Variants in GNA14 observed in about 807,000 individuals in gnomAD.
GNA14 encodes the protein guanine nucleotide-binding protein subunit alpha-14.
Under a neutral mutation model 42.0 loss-of-function variants are expected in GNA14, and 50 were observed. The observed-to-expected ratio is 1.19, with a 90% CI of 0.95 to 1.51. The LOEUF (loss-of-function observed/expected upper bound fraction) is 1.51, where lower values mean the gene tolerates loss of function less well. Among genes scored for constraint, GNA14 ranks in the 40% most tolerant of loss-of-function variants. The pLI is 0.00. For synonymous variants in GNA14, 173 were observed against 163.1 expected (o/e 1.06, Z -0.46); for missense variants, 473 against 446.2 (o/e 1.06, Z -0.54).
At chr9:77,473,323 G>A (rs1168388672) in intron 2 of GNA14, among the ~76,000 whole-genome samples, 4 of 152,116 alleles carry the variant, frequency 2.6e-5, no homozygotes, top group African/African-American at 9.7e-5. Flanking sequence ...TGGGTGTGGT[G>A]GTGTGCCCCT....
At chr9:77,493,026 A>AAAAAATAT (rs1554691641) in intron 2 of GNA14, among the ~76,000 whole-genome samples, 1 of 51,712 alleles carries the variant, frequency 1.9e-5, no homozygotes, top group African/African-American at 1.1e-4. Context: ...AAAAAAAAAA[A>AAAAAATAT]ATATATATAT....
intron 1 of GNA14, among the ~76,000 whole-genome samples, chr9:77,535,443 C>T (rs1395135452): frequency 6.6e-6 from 1 of 152,138 alleles, no homozygotes; most frequent in Non-Finnish European, 1.5e-5. Context: ...ACTCGTGAGG[C>T]TGAGGCAGGA....
At chr9:77,443,204 T>C (rs1835763854) in intron 2 of GNA14, among the ~76,000 whole-genome samples, 2 of 152,220 alleles carry the variant, frequency 1.3e-5, no homozygotes, top group Non-Finnish European at 2.9e-5. Flanking sequence ...AATTTACAGA[T>C]ACATTTTGAT....
intron 2 of GNA14, among the ~76,000 whole-genome samples, chr9:77,506,554 G>T (rs1011479058): frequency 6.6e-6 from 1 of 152,042 alleles, no homozygotes; most frequent in African/African-American, 2.4e-5. Context: ...GCACATGTCT[G>T]TAGTCCCAGC....
chr9:77,583,551 T>C (rs760234912), intron 1 of GNA14, among the ~76,000 whole-genome samples: 1 of 152,204 alleles, frequency 6.6e-6, no homozygotes, highest in Non-Finnish European at 1.5e-5. Context: ...TGATTTCTGT[T>C]TGACTCTTTA....
chr9:77,473,937 G>C (rs1302603342), intron 2 of GNA14, among the ~76,000 whole-genome samples: 1 of 152,050 alleles, frequency 6.6e-6, no homozygotes, highest in Non-Finnish European at 1.5e-5. Context: ...ATTGTACTGG[G>C]GCAACTGGAT....
At chr9:77,467,831 G>C (rs1314600761) in intron 2 of GNA14, among the ~76,000 whole-genome samples, 1 of 151,912 alleles carries the variant, frequency 6.6e-6, no homozygotes, top group African/African-American at 2.4e-5. Flanking sequence ...TGTGTGTTAG[G>C]GTGGGGGAGG....
At chr9:77,435,129 C>T (rs1036561647) in intron 2 of GNA14, among the ~76,000 whole-genome samples, 5 of 150,962 alleles carry the variant, frequency 3.3e-5, no homozygotes, top group East Asian at 2.0e-4. Context: ...GAGGCCGAGG[C>T]GGGCCGATCA....
intron 1 of GNA14, among the ~76,000 whole-genome samples, chr9:77,628,044 T>A (rs756682292): frequency 2.0e-5 from 3 of 152,144 alleles, no homozygotes; most frequent in Non-Finnish European, 4.4e-5. Flanking sequence ...TTCAGCAAAG[T>A]CTCAGGATAC....
chr9:77,594,844 T>A (rs1479539916), intron 1 of GNA14, among the ~76,000 whole-genome samples: 1 of 152,196 alleles, frequency 6.6e-6, no homozygotes, highest in East Asian at 1.9e-4. Flanking sequence ...GCAGCCCACA[T>A]TGAATAAGTC....
At chr9:77,518,737 T>C (rs1837301961) in intron 2 of GNA14, among the ~76,000 whole-genome samples, 1 of 152,218 alleles carries the variant, frequency 6.6e-6, no homozygotes, top group South Asian at 2.1e-4. Flanking sequence ...TTATCTTTAA[T>C]GAATTGTGTA....
intron 1 of GNA14, among the ~76,000 whole-genome samples, chr9:77,571,264 G>C (rs573507470): frequency 6.6e-6 from 1 of 152,196 alleles, no homozygotes; most frequent in Non-Finnish European, 1.5e-5. Flanking sequence ...ACACAAGTAA[G>C]GCTGAGATAA....
chr9:77,523,938 C>T (rs762625235), intron 2 of GNA14, among the ~76,000 whole-genome samples: 1 of 152,124 alleles, frequency 6.6e-6, no homozygotes, highest in Non-Finnish European at 1.5e-5. Context: ...GAGAACTTCC[C>T]AAGTTCAAGA....
At chr9:77,602,708 T>C (rs944822212) in intron 1 of GNA14, among the ~76,000 whole-genome samples, 2 of 149,514 alleles carry the variant, frequency 1.3e-5, no homozygotes. Flanking sequence ...AATGGTTTTG[T>C]TTTTTTTTTC....
At chr9:77,578,046 T>A (rs1415389654) in intron 1 of GNA14, among the ~76,000 whole-genome samples, 1 of 151,752 alleles carries the variant, frequency 6.6e-6, no homozygotes. Context: ...GGCGGGCAGA[T>A]CACGAGGTCA....
At chr9:77,441,780 TAAC>T (rs1196812708) in intron 2 of GNA14, among the ~76,000 whole-genome samples, 2 of 152,178 alleles carry the variant, frequency 1.3e-5, no homozygotes, top group Non-Finnish European at 2.9e-5. Flanking sequence ...CACCCCTCTT[TAAC>T]AACTACAGAA....
intron 1 of GNA14, among the ~76,000 whole-genome samples, chr9:77,538,898 T>C (rs1310422078): frequency 2.6e-5 from 4 of 152,188 alleles, no homozygotes; most frequent in Non-Finnish European, 5.9e-5. Context: ...AAATGTCTAA[T>C]AAAATGTGTC....
chr9:77,510,700 C>T lies in GNA14; in HGVS notation c.309+18369G>A, dbSNP rs77642144. 8.4e-3 allele frequency among the ~76,000 whole-genome samples: 1,287 copies of T among 152,308 alleles called. 17 individuals are homozygous for T. The highest frequency in any genetic ancestry group is 0.028 in the African/African-American group (1,184 of 41,568). ...TCACCAAGGAGCAAGCCTCCACCCC[C>T]GACCCAAGATGCCCCTGGGAGAAGT... On this transcript the variant is annotated intron_variant, in intron 2 of 6. Coordinates refer to ENST00000341700, the MANE Select transcript of GNA14 (RefSeq NM_004297.4).
intron 1 of GNA14, among the ~76,000 whole-genome samples, chr9:77,608,074 G>A (rs150800611): frequency 6.6e-6 from 1 of 152,202 alleles, no homozygotes; most frequent in East Asian, 1.9e-4. Context: ...AAAGCCTTGG[G>A]GGCAAGACGG....
Sources: allele counts gnomAD v4.1 joint callset (sites outside exome capture counted in the v4.1 genomes callset), GRCh38; gene constraint gnomAD v4.1.1; transcripts MANE v1.5; gene names NCBI Gene and HGNC (gene_info 2026-07-23, HGNC 2026-07-21).